HIF3A: variants seen among roughly 807,000 people sequenced by gnomAD.
The protein encoded by HIF3A is hypoxia inducible factor 3 subunit alpha.
Under a neutral mutation model 67.2 loss-of-function variants are expected in HIF3A, and 41 were observed. The ratio of observed to expected loss-of-function variants is 0.61; its 90% CI spans 0.48 to 0.79. The LOEUF (loss-of-function observed/expected upper bound fraction) is 0.79. Among genes scored for constraint, HIF3A ranks in the 30% least tolerant of loss-of-function variants. HIF3A has a pLI of 0.00. For missense variants in HIF3A, 855 were observed against 898.0 expected, an observed-to-expected ratio of 0.95 and a Z score of 0.61; for synonymous variants, 356 against 374.8, an observed-to-expected ratio of 0.95 and a Z score of 0.58.
chr19:46,314,095 C>G (rs112732641), intron 8 of HIF3A, among the ~76,000 whole-genome samples: 17,645 of 150,962 alleles, frequency 0.12, 1,304 homozygotes, highest in East Asian at 0.32. Flanking sequence ...TGGGTGATTA[C>G]AAAAAAACAG....
In HIF3A at chr19:46,309,653, C is replaced by T. The variant is rs114378437; in HGVS notation, c.770+294C>T. Among the ~76,000 whole-genome samples, 811 of 152,174 alleles carry T rather than the reference C, an allele frequency of 5.3e-3. 5 individuals carry two copies. The highest frequency in any genetic ancestry group is 0.02 in the Middle Eastern group (6 of 294). ...GGGATTACAGGTGTGAGCCACCGCACCTGGCCTCCTTTTATCTTTCATTCT... is the reference window on the plus strand; with the variant it reads ...GGGATTACAGGTGTGAGCCACCGCATCTGGCCTCCTTTTATCTTTCATTCT... On this transcript the variant is annotated intron_variant, in intron 6 of 14. Coordinates refer to ENST00000377670, the MANE Select transcript of HIF3A (RefSeq NM_152795.4).
At chr19:46,309,035 C>T in intron 5 of HIF3A, 116 bp from the exon 6 acceptor site, 3 of 882,074 alleles carry the variant, frequency 3.4e-6, no homozygotes, top group Non-Finnish European at 5.2e-6. Flanking sequence ...AACCTGAAGT[C>T]TTCATGGGGT....
chr19:46,308,505 G>T (rs555283502), intron 4 of HIF3A, 158 bp from the exon 5 acceptor site: 4 of 632,142 alleles, frequency 6.3e-6, no homozygotes, highest in Non-Finnish European at 1.1e-5. Context: ...GCCCTGGGGG[G>T]TCCAAGGGGA....
At chr19:46,312,465 C>A (rs1264862830) in intron 7 of HIF3A, 41 bp from the exon 8 acceptor site, 1 of 1,610,004 alleles carries the variant, frequency 6.2e-7, no homozygotes. Flanking sequence ...TCCCCATTTG[C>A]CCCCTTGGTG....
At chr19:46,323,970 G>A (rs534391480) in intron 10 of HIF3A, among the ~76,000 whole-genome samples, 42 of 152,180 alleles carry the variant, frequency 2.8e-4, no homozygotes, top group South Asian at 1.2e-3. Flanking sequence ...GGGTGGGGAC[G>A]CAGCCAAACC....
chr19:46,313,664 A>ATTTT (rs34143893), intron 8 of HIF3A, among the ~76,000 whole-genome samples: 13 of 130,594 alleles, frequency 1.0e-4, no homozygotes, highest in East Asian at 4.4e-4. Context: ...AATTACCACG[A>ATTTT]TTTTTTTTTT....
At position 46,325,523 on chromosome 19, in the gene HIF3A, A is replaced by C; in HGVS notation, c.1336-12A>C. 1 of 1,595,370 alleles carries C rather than the reference A, an allele frequency of 6.3e-7. No homozygotes were observed. Among genetic ancestry groups the C allele is most frequent in the Non-Finnish European group, 8.6e-7 (1 of 1,165,138 alleles). On this transcript the variant is annotated splice_polypyrimidine_tract_variant and intron_variant, in intron 10 of 14. Coordinates refer to ENST00000377670, the MANE Select transcript of HIF3A (RefSeq NM_152795.4). ...CAAGATTTCCTGAAGTTTCTACTCC[A>C]TCTCTCCACAGGCTGATCTCCCAGA...
chr19:46,309,739 G>C (rs896072284), intron 6 of HIF3A, among the ~76,000 whole-genome samples: 3 of 151,954 alleles, frequency 2.0e-5, no homozygotes, highest in African/African-American at 7.3e-5. Context: ...TCTTAAATGA[G>C]TCAATTTGTG....
intron 6 of HIF3A, chr19:46,311,956 G>C (rs764343333): frequency 1.3e-5 from 10 of 754,168 alleles, no homozygotes; most frequent in Non-Finnish European, 2.2e-5. Flanking sequence ...CAGATTCCGG[G>C]AATTAGGATG....
At chr19:46,312,867 G>T in intron 8 of HIF3A, 1 of 1,173,778 alleles carries the variant, frequency 8.5e-7, no homozygotes, top group African/African-American at 1.6e-5. Flanking sequence ...ATGTGTATGG[G>T]TGTGTAGACT....
intron 10 of HIF3A, among the ~76,000 whole-genome samples, chr19:46,325,075 C>CA (rs1970680111): frequency 6.7e-6 from 1 of 150,160 alleles, no homozygotes; most frequent in Admixed American, 6.6e-5. Context: ...TAGCTCACTG[C>CA]AGCCTCTGCT....
At chr19:46,332,397 G>A (rs748815783) in intron 13 of HIF3A, among the ~76,000 whole-genome samples, 39 of 152,040 alleles carry the variant, frequency 2.6e-4, no homozygotes, top group Non-Finnish European at 5.1e-4. Flanking sequence ...AAATTTAAGC[G>A]GGTGTGGTGG....
intron 2 of HIF3A, 142 bp downstream of exon 2, chr19:46,304,230 A>AC (rs1968616793): frequency 1.8e-5 from 12 of 680,094 alleles, no homozygotes; most frequent in African/African-American, 7.7e-5. Context: ...GCGGAGCCCC[A>AC]CCCCCCTGGA....
chr19:46,309,382 G>A (rs373946381), intron 6 of HIF3A, 23 bp downstream of exon 6: 241 of 1,536,786 alleles, frequency 1.6e-4, no homozygotes, highest in East Asian at 2.3e-4. Context: ...CCCCTCTTCC[G>A]TCTGCCCAAG....
In HIF3A at chr19:46,328,036, C is replaced by T. The variant is rs370183093; in HGVS notation, c.1441-1171C>T. ...GCATAGGCATGATTGAGCAAATTACCGCCCATGTAATTGAATTCAGTCTCC... is the reference window on the plus strand; with the variant it reads ...GCATAGGCATGATTGAGCAAATTACTGCCCATGTAATTGAATTCAGTCTCC... On this transcript the variant is annotated intron_variant, in intron 11 of 14. Coordinates refer to ENST00000377670, the MANE Select transcript of HIF3A (RefSeq NM_152795.4). Among the ~76,000 whole-genome samples the T allele has an allele frequency of 1.5e-3, 226 of 152,290 alleles. 1 individual carries two copies. The highest frequency in any genetic ancestry group is 5.1e-3 in the African/African-American group (211 of 41,550).
intron 1 of HIF3A, among the ~76,000 whole-genome samples, chr19:46,302,923 G>A (rs1205096743): frequency 1.3e-5 from 2 of 152,204 alleles, no homozygotes; most frequent in East Asian, 3.8e-4. Context: ...AGAAAGACCT[G>A]GAGTTTGAAT....
intron 1 of HIF3A, among the ~76,000 whole-genome samples, chr19:46,302,762 T>C (rs1968455529): frequency 6.6e-6 from 1 of 152,088 alleles, no homozygotes; most frequent in Admixed American, 6.6e-5. Context: ...TGGTCCCAGC[T>C]ACATAAGAGG....
At chr19:46,301,443 C>T (rs1297673362) in intron 1 of HIF3A, among the ~76,000 whole-genome samples, 1 of 152,108 alleles carries the variant, frequency 6.6e-6, no homozygotes, top group Non-Finnish European at 1.5e-5. Flanking sequence ...GATTCAAATC[C>T]CAGCTCAGCC....
chr19:46,312,354 G>A, intron 7 of HIF3A, 87 bp downstream of exon 7: 1 of 1,611,012 alleles, frequency 6.2e-7, no homozygotes, highest in Admixed American at 1.7e-5. Context: ...CATACCCCAG[G>A]ATGCACTGCC....
Sources: gnomAD v4.1 joint callset for allele counts (sites outside exome capture counted in the v4.1 genomes callset) on GRCh38, gnomAD v4.1.1 for gene constraint, MANE v1.5 for transcripts, NCBI Gene and HGNC (gene_info 2026-07-23, HGNC 2026-07-21) for gene names.